The following GRIK2 variants were observed in gnomAD, a reference collection of about 807,000 sequenced individuals.
GRIK2 encodes glutamate receptor ionotropic, kainate 2.
In GRIK2, 32 loss-of-function variants were observed where a neutral mutation model predicts 100.3. That is an observed-to-expected ratio of 0.32 (90% CI 0.24 to 0.43). The LOEUF (loss-of-function observed/expected upper bound fraction) is 0.43. Among genes scored for constraint, GRIK2 ranks in the 20% least tolerant of loss-of-function variants. The pLI is 1.00. For missense variants in GRIK2, 843 were observed against 1,114.9 expected, an observed-to-expected ratio of 0.76 and a Z score of 3.47; for synonymous variants, 417 against 389.4, an observed-to-expected ratio of 1.07 and a Z score of -0.83.
intron 2 of GRIK2, among the ~76,000 whole-genome samples, chr6:101,605,466 TTAAAA>T (rs1182275157): frequency 1.1e-4 from 17 of 151,972 alleles, no homozygotes; most frequent in African/African-American, 3.9e-4. Context: ...ACGCAGGTAT[TTAAAA>T]TAAAATAAAG....
At chr6:102,023,893 T>A (rs901318332) in intron 14 of GRIK2, among the ~76,000 whole-genome samples, 2 of 151,310 alleles carry the variant, frequency 1.3e-5, no homozygotes, top group African/African-American at 4.8e-5. Context: ...GAACATGGTA[T>A]AATATAAAAA....
intron 7 of GRIK2, among the ~76,000 whole-genome samples, chr6:101,776,708 G>A (rs1778769228): frequency 6.6e-6 from 1 of 152,142 alleles, no homozygotes; most frequent in Non-Finnish European, 1.5e-5. Flanking sequence ...AAATTTGTCA[G>A]TAACTTATAT....
intron 2 of GRIK2, among the ~76,000 whole-genome samples, chr6:101,412,516 G>A (rs1277584763): frequency 6.6e-6 from 1 of 151,914 alleles, no homozygotes; most frequent in Non-Finnish European, 1.5e-5. Context: ...CATGCTAATG[G>A]AAATTTTAAG....
At chr6:101,497,253 C>T (rs1236958826) in intron 2 of GRIK2, among the ~76,000 whole-genome samples, 1 of 152,138 alleles carries the variant, frequency 6.6e-6, no homozygotes, top group Non-Finnish European at 1.5e-5. Context: ...CTCACCCTTC[C>T]ATTTGCTTCT....
chr6:101,455,249 G>A (rs1770937784), intron 2 of GRIK2, among the ~76,000 whole-genome samples: 1 of 151,974 alleles, frequency 6.6e-6, no homozygotes, highest in Admixed American at 6.6e-5. Flanking sequence ...ATTAAAAGTG[G>A]GTAATGTGTT....
chr6:101,886,296 A>C (rs1219932329), intron 11 of GRIK2, among the ~76,000 whole-genome samples: 1 of 152,134 alleles, frequency 6.6e-6, no homozygotes, highest in Non-Finnish European at 1.5e-5. Flanking sequence ...TAAATGAATA[A>C]TACTATTCCA....
chr6:101,687,945 A>G (rs1201259844), intron 7 of GRIK2, among the ~76,000 whole-genome samples: 1 of 150,790 alleles, frequency 6.6e-6, no homozygotes, highest in Admixed American at 6.6e-5. Context: ...ATATTTTATT[A>G]CCAGTTTAAA....
At chr6:101,873,574 A>C (rs1369475275) in intron 11 of GRIK2, among the ~76,000 whole-genome samples, 2 of 152,114 alleles carry the variant, frequency 1.3e-5, no homozygotes, top group East Asian at 2.0e-4. Context: ...ATGTTTCTTT[A>C]TAGCAGCATG....
chr6:101,629,914 TG>T (rs1780645237), intron 4 of GRIK2, among the ~76,000 whole-genome samples: 1 of 152,134 alleles, frequency 6.6e-6, no homozygotes, highest in African/African-American at 2.4e-5. Context: ...CCTAGATTTA[TG>T]TACGTATGTA....
intron 14 of GRIK2, chr6:101,993,911 A>G (rs1794512837): frequency 6.8e-6 from 1 of 146,342 alleles, no homozygotes; most frequent in Non-Finnish European, 1.5e-5. Flanking sequence ...CACATATATT[A>G]ATATACATTG....
chr6:101,747,130 C>T (rs1326889756), intron 7 of GRIK2, among the ~76,000 whole-genome samples: 2 of 152,170 alleles, frequency 1.3e-5, no homozygotes, highest in African/African-American at 4.8e-5. Context: ...TATCTTAAAT[C>T]ATGATTCTGC....
chr6:101,752,521 C>T (rs538910490), intron 7 of GRIK2, among the ~76,000 whole-genome samples: 1 of 152,228 alleles, frequency 6.6e-6, no homozygotes, highest in Admixed American at 6.5e-5. Flanking sequence ...TATTTCATTT[C>T]ATTTTAAATT....
In GRIK2 at chr6:101,963,278, A is replaced by ATTTTTTTTTTTTTTTTTTTTTTTTTTTT. The variant is rs3029099; in HGVS notation, c.2085+34656_2085+34683dup. ...TATTTCATATTTATACTTATTTAGG[A>ATTTTTTTTTTTTTTTTTTTTTTTTTTTT]TTTTTTTTTTTTTTTTTTTTTTTTT... On this transcript the variant is annotated intron_variant, in intron 14 of 16. Transcript: ENST00000369134. Among the ~76,000 whole-genome samples, 14 of 27,844 alleles carry ATTTTTTTTTTTTTTTTTTTTTTTTTTTT rather than the reference A, an allele frequency of 5.0e-4. 7 individuals carry two copies. The highest frequency in any genetic ancestry group is 1.0e-3 in the Admixed American group (2 of 1,924). 18.3% of individuals were successfully genotyped at this position (27,844 alleles called of 152,430 possible).
chr6:101,501,561 A>G (rs1336543889), intron 2 of GRIK2, among the ~76,000 whole-genome samples: 4 of 152,158 alleles, frequency 2.6e-5, no homozygotes, highest in Non-Finnish European at 4.4e-5. Flanking sequence ...TGGGCTTTAC[A>G]TTCAAATTGA....
At position 101,570,514 on chromosome 6, in the gene GRIK2, C is replaced by T. The variant is rs972590238; in HGVS notation, c.116-51435C>T. Among the ~76,000 whole-genome samples the T allele has an allele frequency of 4.6e-5, 7 of 152,216 alleles. No individual in the cohort carries two copies. In the East Asian group the frequency reaches 5.8e-4, roughly 13 times the overall value. Reference sequence around the variant, plus strand: ...CCTGCCAGCTCCCTCTCTGAAGGGACAATATGGTCTCCAGTGAGGGATGTC... The same window carrying T: ...CCTGCCAGCTCCCTCTCTGAAGGGATAATATGGTCTCCAGTGAGGGATGTC... On this transcript the variant is annotated intron_variant, in intron 2 of 16. Transcript: ENST00000369134.
intron 4 of GRIK2, among the ~76,000 whole-genome samples, chr6:101,640,530 C>T (rs1214859321): frequency 5.3e-5 from 8 of 152,134 alleles, no homozygotes; most frequent in Admixed American, 1.3e-4. Flanking sequence ...ATTATCTGGA[C>T]CTACAGCAGA....
chr6:101,419,835 C>T (rs951970219), intron 2 of GRIK2, among the ~76,000 whole-genome samples: 1 of 152,138 alleles, frequency 6.6e-6, no homozygotes, highest in African/African-American at 2.4e-5. Context: ...GTGAGATTCT[C>T]CAATCACACT....
intron 14 of GRIK2, among the ~76,000 whole-genome samples, chr6:102,006,390 A>ATATATATATATTTTTTTTT (rs1315524835): frequency 2.6e-5 from 3 of 114,104 alleles, no homozygotes; most frequent in African/African-American, 1.4e-4. Context: ...ATATATATAT[A>ATATATATATATTTTTTTTT]TTTTTTTTTT....
At chr6:101,768,551 A>G (rs1334677550) in intron 7 of GRIK2, among the ~76,000 whole-genome samples, 2 of 152,214 alleles carry the variant, frequency 1.3e-5, no homozygotes, top group African/African-American at 4.8e-5. Context: ...TCAAGAGAGG[A>G]CATAGAATGA....
Sources: allele counts gnomAD v4.1 joint callset (sites outside exome capture counted in the v4.1 genomes callset), GRCh38; gene constraint gnomAD v4.1.1; transcripts MANE v1.5; gene names NCBI Gene and HGNC (gene_info 2026-07-23, HGNC 2026-07-21).